The following CACNA1C variants were observed in gnomAD, a reference collection of about 807,000 sequenced individuals.
CACNA1C encodes the protein voltage-dependent L-type calcium channel subunit alpha-1C.
Under a neutral mutation model 229.0 loss-of-function variants are expected in CACNA1C, and 30 were observed. The ratio of observed to expected loss-of-function variants is 0.13; its 90% CI spans 0.10 to 0.18. The LOEUF is 0.18. Ranked by LOEUF, CACNA1C falls within the 10% of genes least tolerant of loss-of-function variation. The pLI, the probability that CACNA1C is intolerant of heterozygous loss-of-function variation, is 1.00. For synonymous variants in CACNA1C, 1,114 were observed against 1,132.5 expected (o/e 0.98, Z 0.33); for missense variants, 1,658 against 2,845.0 (o/e 0.58, Z 9.49).
At chr12:2,336,882 A>G (rs2096712683) in intron 3 of CACNA1C, among the ~76,000 whole-genome samples, 1 of 152,198 alleles carries the variant, frequency 6.6e-6, no homozygotes, top group Admixed American at 6.5e-5. Flanking sequence ...GTTGGGACAC[A>G]GGATGAGATA....
intron 3 of CACNA1C, among the ~76,000 whole-genome samples, chr12:2,393,359 G>A (rs2098519880): frequency 6.6e-6 from 1 of 152,216 alleles, no homozygotes; most frequent in African/African-American, 2.4e-5. Flanking sequence ...AAACCCTGCT[G>A]GCTGGCCCTC....
At chr12:2,452,188 C>T (rs1433693117) in intron 4 of CACNA1C, among the ~76,000 whole-genome samples, 3 of 152,140 alleles carry the variant, frequency 2.0e-5, no homozygotes, top group Non-Finnish European at 4.4e-5. Flanking sequence ...TGCCTGAGTG[C>T]CAGGCTGAGA....
chr12:2,243,097 G>A (rs2071316677), intron 3 of CACNA1C, among the ~76,000 whole-genome samples: 1 of 152,206 alleles, frequency 6.6e-6, no homozygotes, highest in South Asian at 2.1e-4. Context: ...CTATGTGGGT[G>A]CATAAGAAGG....
At chr12:2,409,705 C>T (rs1169151457) in intron 3 of CACNA1C, among the ~76,000 whole-genome samples, 2 of 152,234 alleles carry the variant, frequency 1.3e-5, no homozygotes, top group Non-Finnish European at 2.9e-5. Context: ...CGCAGTCCCC[C>T]CCAAACCCCT....
intron 8 of CACNA1C, among the ~76,000 whole-genome samples, chr12:2,505,212 G>T (rs1642184184): frequency 6.6e-6 from 1 of 152,146 alleles, no homozygotes; most frequent in African/African-American, 2.4e-5. Flanking sequence ...TGTCCAGGCA[G>T]GCAGGGCACT....
Position 2,665,374 on chromosome 12 carries a change from C to T in CACNA1C, c.4399-207C>T, listed in dbSNP as rs1030798036. On this transcript the variant is annotated intron_variant, in intron 35 of 46. Coordinates refer to ENST00000399655, the MANE Select transcript of CACNA1C (RefSeq NM_000719.7). This position sits in a 1 kb window ranked among gnomAD's most constrained non-coding sequence, Gnocchi z 5.9. ...TCGGTAGGAGGGAAGCTGTCCAGCC[C>T]ACCTGTGGGTTCATCACACACAACT... Among the ~76,000 whole-genome samples, 1 of 152,186 alleles carries T rather than the reference C, an allele frequency of 6.6e-6. No individual in the cohort carries two copies. Among genetic ancestry groups the T allele is most frequent in the Non-Finnish European group, 1.5e-5 (1 of 68,044 alleles).
rs139086536 is a variant in CACNA1C, at chr12:2,608,335, A to T, written c.3357-176A>T. ...TACAGATGAAGAATCTGAGTCTCAG[A>T]GAGGTTAAACGCTTTGCCCAAGGTC... On this transcript the variant is annotated intron_variant, in intron 26 of 46. Coordinates refer to ENST00000399655, the MANE Select transcript of CACNA1C (RefSeq NM_000719.7). This position sits in a 1 kb window ranked among gnomAD's most constrained non-coding sequence, Gnocchi z 4.2. Among the ~76,000 whole-genome samples the T allele has an allele frequency of 3.9e-4, 60 of 152,342 alleles. No homozygotes were observed. The East Asian group carries it at 0.01, about 26-fold the overall frequency.
At chr12:2,072,490 G>A (rs1386893309) in intron 1 of CACNA1C, among the ~76,000 whole-genome samples, 7 of 152,140 alleles carry the variant, frequency 4.6e-5, no homozygotes, top group Non-Finnish European at 8.8e-5. Flanking sequence ...ATGAGCCACT[G>A]CACCCAGCCT....
At chr12:2,513,996 A>C (rs1052341478) in intron 9 of CACNA1C, among the ~76,000 whole-genome samples, 1 of 152,098 alleles carries the variant, frequency 6.6e-6, no homozygotes, top group Non-Finnish European at 1.5e-5. Flanking sequence ...TTTCTCTTTC[A>C]CTATACATGT....
intron 3 of CACNA1C, among the ~76,000 whole-genome samples, chr12:2,358,039 G>A (rs948789979): frequency 6.6e-5 from 10 of 150,510 alleles, no homozygotes; most frequent in Admixed American, 2.0e-4. Context: ...TATCATAATC[G>A]TATCTAAAGT....
chr12:2,102,925 T>C (rs909546427), intron 1 of CACNA1C, among the ~76,000 whole-genome samples: 1 of 152,238 alleles, frequency 6.6e-6, no homozygotes, highest in Non-Finnish European at 1.5e-5. Flanking sequence ...CATCCTTTTT[T>C]ATGGCTGCAT....
rs1555425781 is a variant in CACNA1C at position 2,310,348 on chromosome 12, A to AT, written c.478-138628_478-138627insT. 2.6e-3 allele frequency among the ~76,000 whole-genome samples: 354 copies of AT among 135,226 alleles called. 3 individuals are homozygous for AT. Among genetic ancestry groups the AT allele is most frequent in the African/African-American group, 0.01 (340 of 33,364 alleles). 88.7% of individuals were successfully genotyped at this position (135,226 alleles called of 152,430 possible). A position where few individuals can be genotyped will look rare whatever the true frequency, so the allele number is the denominator to read the frequency against. ...CTGTCCTCTGCCTCCCAGTTAAAAA[A>AT]AAAAATATATATATATATATATATG... On this transcript the variant is annotated intron_variant, in intron 3 of 46. Coordinates refer to ENST00000399655, the MANE Select transcript of CACNA1C (RefSeq NM_000719.7).
intron 1 of CACNA1C, among the ~76,000 whole-genome samples, chr12:2,090,956 T>C (rs1238330791): frequency 6.6e-6 from 1 of 152,210 alleles, no homozygotes; most frequent in African/African-American, 2.4e-5. Flanking sequence ...TGATAGCTCA[T>C]GGTGGTTTGG....
At chr12:2,058,659 T>G (rs763532959) in intron 1 of CACNA1C, among the ~76,000 whole-genome samples, 5 of 152,208 alleles carry the variant, frequency 3.3e-5, no homozygotes, top group Non-Finnish European at 7.3e-5. Context: ...AATAATTTAG[T>G]AAACACCTGT....
intron 1 of CACNA1C, chr12:2,018,110 C>T (rs2045721476): frequency 6.6e-6 from 1 of 152,230 alleles, no homozygotes; most frequent in Non-Finnish European, 1.5e-5. Context: ...GGATATGTCA[C>T]ATTTGCTGAC....
At chr12:2,311,695 A>G (rs1392413971) in intron 3 of CACNA1C, among the ~76,000 whole-genome samples, 1 of 152,234 alleles carries the variant, frequency 6.6e-6, no homozygotes, top group Admixed American at 6.5e-5. Flanking sequence ...TTAAACACGA[A>G]TGGCCACATT....
chr12:2,611,966 C>G lies in CACNA1C; in HGVS notation c.3781C>G (p.Leu1261Val). 1.2e-6 allele frequency: 2 copies of G among 1,613,634 alleles called. No homozygotes were observed. The highest frequency in any genetic ancestry group is 1.7e-6 in the Non-Finnish European group (2 of 1,179,606). The change falls in exon 29 of 47, where the codon CTC becomes GTC. Residue 1261 changes from leucine to valine, a missense_variant. Physicochemically the swap from Leu to Val is conservative, Grantham distance 32. Transcript: ENST00000399655. ...CATCCTCAACATGCTCTTCACTGGCCTCTTCACCGTGGAGATGATCCTGAA... is the reference window on the plus strand; with the variant it reads ...CATCCTCAACATGCTCTTCACTGGCGTCTTCACCGTGGAGATGATCCTGAA... ...MNILNMLFTG[L>V]FTVEMILKLI...
At chr12:2,113,233 A>G (rs940800768) in intron 1 of CACNA1C, among the ~76,000 whole-genome samples, 6 of 152,216 alleles carry the variant, frequency 3.9e-5, no homozygotes, top group Non-Finnish European at 5.9e-5. Context: ...CCTCTGGGGC[A>G]GGCTCTCTCT....
At chr12:2,388,227 A>G (rs1054226122) in intron 3 of CACNA1C, among the ~76,000 whole-genome samples, 2 of 152,238 alleles carry the variant, frequency 1.3e-5, no homozygotes, top group African/African-American at 2.4e-5. Flanking sequence ...CATGGTAACT[A>G]TAATTAATAA....
Sources: allele counts gnomAD v4.1 joint callset (sites outside exome capture counted in the v4.1 genomes callset), GRCh38; gene constraint gnomAD v4.1.1; non-coding constraint Gnocchi (gnomAD v3.1); transcripts MANE v1.5; gene names NCBI Gene and HGNC (gene_info 2026-07-23, HGNC 2026-07-21).